Variants in TTN observed in about 807,000 individuals in gnomAD.
The protein encoded by TTN is connectin.
A neutral mutation model predicts 3,223.0 loss-of-function variants in TTN; 1,525 were observed. That is an observed-to-expected ratio of 0.47 (90% CI 0.45 to 0.49). The LOEUF (loss-of-function observed/expected upper bound fraction) is 0.49. Among genes scored for constraint, TTN ranks in the 20% least tolerant of loss-of-function variants. TTN has a pLI of 0.00. For missense variants in TTN, 40,786 were observed against 43,424.0 expected, an observed-to-expected ratio of 0.94 and a Z score of 5.40; for synonymous variants, 14,094 against 15,161.0, an observed-to-expected ratio of 0.93 and a Z score of 5.17.
intron 88 of TTN, among the ~76,000 whole-genome samples, chr2:178,716,458 C>A (rs963945940): frequency 6.6e-6 from 1 of 152,146 alleles, no homozygotes; most frequent in Non-Finnish European, 1.5e-5. Context: ...ACCACCACTA[C>A]AAAAACCCTT....
At chr2:178,627,688 A>G (rs1170299858) in intron 240 of TTN, among the ~76,000 whole-genome samples, 1 of 151,998 alleles carries the variant, frequency 6.6e-6, no homozygotes, top group Non-Finnish European at 1.5e-5. Flanking sequence ...TAAAATGTGA[A>G]TAAGATTTTT....
chr2:178,599,782 T>C lies in TTN; in HGVS notation c.56119A>G (p.Lys18707Glu). The change falls in exon 289 of 363, where the codon AAA (lysine) becomes GAA (glutamate). Residue 18707 changes from lysine (K) to glutamate (E), a missense_variant. Coordinates refer to ENST00000589042, the MANE Select transcript of TTN (RefSeq NM_001267550.2). ...EEGTNVNIVA[K>E]IKGVPFPTLT... ...GTCGGGAATGGCACACCTTTAATTT[T>C]GGCCACAATGTTAACATTGGTTCCT... 6.2e-7 allele frequency: 1 copy of C among 1,611,548 alleles called. No homozygotes were observed. Among genetic ancestry groups the C allele is most frequent in the Non-Finnish European group, 8.5e-7 (1 of 1,178,862 alleles).
intron 117 of TTN, 80 bp from the exon 118 acceptor site, chr2:178,694,088 A>C: frequency 9.2e-7 from 1 of 1,087,090 alleles, no homozygotes; most frequent in Non-Finnish European, 1.3e-6. Flanking sequence ...TTTATACTCA[A>C]GTATTTAGAC....
chr2:178,719,556 G>C lies in TTN; in HGVS notation c.23936C>G (p.Ser7979Cys), dbSNP rs779378260. 1 of 1,601,886 alleles carries C rather than the reference G, an allele frequency of 6.2e-7. No individual in the cohort carries two copies. Among genetic ancestry groups the C allele is most frequent in the South Asian group, 1.1e-5 (1 of 89,576 alleles). ...CATAAAAATCTCATTCTACTCACCA[G>C]AAACATGGACGGATACAGTGCAGTT... Reference protein sequence around the residue: ...KSNCTVSVHVSDRIVPPSFIR... With the variant: ...KSNCTVSVHVCDRIVPPSFIR... Residue 7979 changes from serine (S) to cysteine (C), a missense_variant and splice_region_variant, in exon 82 of 363, where the codon TCT becomes TGT. By Grantham distance (112) the Ser-to-Cys change is moderately radical. Coordinates refer to ENST00000589042, the MANE Select transcript of TTN (RefSeq NM_001267550.2).
Position 178,711,259 on chromosome 2 carries a change from C to T in TTN, c.27977G>A (p.Gly9326Glu). Reference sequence around the variant, plus strand: ...CCAAGACACGGAGATAGGTTCTGATCCACTTATGGCACAATCAAAAACAAC... The same window carrying T: ...CCAAGACACGGAGATAGGTTCTGATTCACTTATGGCACAATCAAAAACAAC... ...LPVVFDCAIS[G>E]SEPISVSWYK... The change falls in exon 97 of 363, where the codon GGA (glycine) becomes GAA (glutamate). Residue 9326 changes from glycine to glutamate, a missense_variant. Coordinates refer to ENST00000589042, the MANE Select transcript of TTN (RefSeq NM_001267550.2). 6.2e-7 allele frequency: 1 copy of T among 1,613,816 alleles called. No individual in the cohort carries two copies. The highest frequency in any genetic ancestry group is 1.1e-5 in the South Asian group (1 of 91,068).
rs766019933 is a variant in TTN, at chr2:178,750,668, G to A, written c.11311+2456C>T. The A allele has an allele frequency of 1.3e-5, 21 of 1,612,624 alleles. No homozygotes were observed. The Admixed American group carries it at 3.3e-4, about 26-fold the overall frequency. ...GAATTCATCAATTCGTGTAGAAGCA[G>A]AGAGTTGTAATTCTCTCAAATCATC... On this transcript the variant is annotated intron_variant, in intron 47 of 362. Coordinates refer to ENST00000589042, the MANE Select transcript of TTN (RefSeq NM_001267550.2).
In TTN at chr2:178,602,440, C is replaced by G; in HGVS notation, c.54962G>C (p.Arg18321Thr). The G allele has an allele frequency of 6.2e-7, 1 of 1,612,560 alleles. No homozygotes were observed. Among genetic ancestry groups the G allele is most frequent in the Non-Finnish European group, 8.5e-7 (1 of 1,179,166 alleles). ...MQEEGTTDWK[R>T]VNEPDKLITT... ...TATAAGTTTGTCTGGTTCATTTACT[C>G]TTTTCCAGTCAGTAGTACCTTCTTC... is the stretch of plus-strand genomic sequence containing the variant. The change falls in exon 283 of 363, where the codon AGA becomes ACA. Residue 18321 changes from arginine to threonine, a missense_variant. Transcript: ENST00000589042.
rs989171608 is a variant in TTN, at chr2:178,551,296, A to G, written c.91271-36T>C. ...ATAAGGAAGGTAAATGCATCATTAC[A>G]TTTGTAACCAGGTCTTAATCATCCA... On this transcript the variant is annotated intron_variant, in intron 335 of 362. Coordinates refer to ENST00000589042, the MANE Select transcript of TTN (RefSeq NM_001267550.2). 2.3e-5 allele frequency: 36 copies of G among 1,560,824 alleles called. No homozygotes were observed. The East Asian group carries it at 8.2e-4, about 35-fold the overall frequency.
Position 178,734,520 on chromosome 2 carries a change from C to T in TTN, c.15304G>A (p.Gly5102Arg). 1 of 1,613,198 alleles carries T rather than the reference C, an allele frequency of 6.2e-7. No homozygotes were observed. Among genetic ancestry groups the T allele is most frequent in the Non-Finnish European group, 8.5e-7 (1 of 1,179,444 alleles). Reference protein sequence around the residue: ...ALLQCEVSGTGPFEISWFKDK... With the variant: ...ALLQCEVSGTRPFEISWFKDK... The stretch of plus-strand genomic sequence containing the variant: ...TTGAACCAGCTAATTTCAAATGGTC[C>T]AGTGCCTGAGACTTCACACTGAAGT... Residue 5102 changes from glycine (G) to arginine (R), a missense_variant, in exon 52 of 363, where the codon GGA becomes AGA. Transcript: ENST00000589042.
intron 337 of TTN, 34 bp from the exon 338 acceptor site, chr2:178,549,903 T>C (rs1698647457): frequency 1.3e-6 from 2 of 1,538,176 alleles, no homozygotes; most frequent in African/African-American, 1.4e-5. Context: ...TAGTTTCTTT[T>C]TCCTTGTCCA....
At position 178,620,214 on chromosome 2, in the gene TTN, T is replaced by C; in HGVS notation, c.46304+3A>G. ...AAATAGAGAATAAAAAGATCTTGCT[T>C]ACTTTTTGCCTTCTTTGATTTCTCT... On this transcript the variant is annotated splice_donor_region_variant and intron_variant, in intron 248 of 362. Coordinates refer to ENST00000589042, the MANE Select transcript of TTN (RefSeq NM_001267550.2). 6.5e-7 allele frequency: 1 copy of C among 1,539,936 alleles called. No individual in the cohort carries two copies. The highest frequency in any genetic ancestry group is 2.3e-5 in the East Asian group (1 of 44,026).
rs1560109426 is a variant in TTN, at chr2:178,652,493, G to A, written c.39092C>T (p.Ala13031Val). The A allele has an allele frequency of 5.6e-6, 9 of 1,613,532 alleles. No homozygotes were observed. The highest frequency in any genetic ancestry group is 2.2e-5 in the East Asian group (1 of 44,870). ...TGTGACTTCAGGCTTTTTAGGAGGAGCCGCTGGCACTTTCTTTTCAGGAAC... is the reference window on the plus strand; with the variant it reads ...TGTGACTTCAGGCTTTTTAGGAGGAACCGCTGGCACTTTCTTTTCAGGAAC... ...EVVPEKKVPA[A>V]PPKKPEVTPV... Residue 13031 changes from alanine to valine, a missense_variant, in exon 202 of 363, where the codon GCT (alanine) becomes GTT (valine). Ala to Val is a moderately conservative substitution (Grantham distance 64, BLOSUM62 0). Transcript: ENST00000589042.
intron 15 of TTN, 117 bp downstream of exon 15, chr2:178,785,503 C>T: frequency 6.9e-7 from 1 of 1,457,872 alleles, no homozygotes; most frequent in Non-Finnish European, 9.4e-7. Context: ...CAAACACACG[C>T]ACACACACAT....
At position 178,530,539 on chromosome 2, in the gene TTN, C is replaced by T; in HGVS notation, c.106076G>A (p.Cys35359Tyr). Residue 35359 changes from cysteine (C) to tyrosine (Y), a missense_variant, in exon 358 of 363, where the codon TGT becomes TAT. Coordinates refer to ENST00000589042, the MANE Select transcript of TTN (RefSeq NM_001267550.2). Reference protein sequence around the residue: ...LTESDQGEYVCEISGEGGTSK... With the variant: ...LTESDQGEYVYEISGEGGTSK... Reference sequence around the variant, plus strand: ...CGTTCCACCTTCACCAGAAATCTCACAAACATATTCTCCTTGATCAGATTC... The same window carrying T: ...CGTTCCACCTTCACCAGAAATCTCATAAACATATTCTCCTTGATCAGATTC... 6.2e-7 allele frequency: 1 copy of T among 1,613,994 alleles called. No individual in the cohort carries two copies. Among genetic ancestry groups the T allele is most frequent in the South Asian group, 1.1e-5 (1 of 91,082 alleles).
chr2:178,735,711 T>C lies in TTN; in HGVS notation c.14735A>G (p.Asp4912Gly), dbSNP rs2081324623. The C allele has an allele frequency of 1.9e-6, 3 of 1,613,814 alleles. No homozygotes were observed. Among genetic ancestry groups the C allele is most frequent in the Non-Finnish European group, 2.5e-6 (3 of 1,179,798 alleles). Residue 4912 changes from aspartate (D) to glycine (G), a missense_variant, in exon 50 of 363, where the codon GAT becomes GGT. By Grantham distance (94) the Asp-to-Gly change is moderately conservative (BLOSUM62 -1). Coordinates refer to ENST00000589042, the MANE Select transcript of TTN (RefSeq NM_001267550.2). ...NKKVHLECQVDEDRKVTVTWS... is the reference protein window; with the variant it reads ...NKKVHLECQVGEDRKVTVTWS... ...CGTAACTGTGACTTTTCTGTCTTCA[T>C]CTACTTGGCACTCAAGGTGGACCTT...
chr2:178,530,781 C>G lies in TTN; in HGVS notation c.105834G>C (p.Gln35278His), dbSNP rs758094020. ...TTGGTGGGGCAGAGACTGGGAGGTGCTGAACTTTCTCTGTTGGTGTTGGTT... is the reference window on the plus strand; with the variant it reads ...TTGGTGGGGCAGAGACTGGGAGGTGGTGAACTTTCTCTGTTGGTGTTGGTT... ...ETKPTPTEKV[Q>H]HLPVSAPPKI... Residue 35278 changes from glutamine to histidine, a missense_variant, in exon 358 of 363, where the codon CAG becomes CAC. Gln to His is a conservative substitution (Grantham distance 24). Coordinates refer to ENST00000589042, the MANE Select transcript of TTN (RefSeq NM_001267550.2). 1.2e-6 allele frequency: 2 copies of G among 1,613,726 alleles called. No homozygotes were observed. The highest frequency in any genetic ancestry group is 1.7e-6 in the Non-Finnish European group (2 of 1,179,872).
rs1478505603 is a variant in TTN, at chr2:178,533,037, C to T, written c.103578G>A (p.Glu34526=). 10 of 1,613,830 alleles carry T rather than the reference C, an allele frequency of 6.2e-6. No individual in the cohort carries two copies. Among genetic ancestry groups the T allele is most frequent in the Non-Finnish European group, 7.6e-6 (9 of 1,179,886 alleles). Residue 34526 remains glutamate (E), a synonymous_variant, in exon 358 of 363, where the codon GAG becomes GAA. Coordinates refer to ENST00000589042, the MANE Select transcript of TTN (RefSeq NM_001267550.2). ...TKTVKGEFRL[E]IEEKKEERKL... is the part of the protein sequence containing the mutation. ...TTCTCTCCTCCTTCTTTTCTTCTAT[C>T]TCAAGTCTGAATTCCCCTTTTACAG...
Position 178,571,935 on chromosome 2 carries a change from G to A in TTN, c.74197C>T (p.Leu24733=), listed in dbSNP as rs751252603. 1.2e-6 allele frequency: 2 copies of A among 1,613,180 alleles called. No homozygotes were observed. Among genetic ancestry groups the A allele is most frequent in the African/African-American group, 1.3e-5 (1 of 75,004 alleles). The change falls in exon 326 of 363, where the codon CTA becomes TTA. Residue 24733 remains leucine, a synonymous_variant. Coordinates refer to ENST00000589042, the MANE Select transcript of TTN (RefSeq NM_001267550.2). ...NTFTVLAGED[L]KVDVPFIGRP... ...CCAATGAATGGAACATCAACTTTTA[G>A]GTCTTCACCTGCCAGTACAGTGAAA...
At chr2:178,790,232 T>C in intron 11 of TTN, 117 bp from the exon 12 acceptor site, 2 of 1,084,660 alleles carry the variant, frequency 1.8e-6, no homozygotes, top group Non-Finnish European at 2.6e-6. Context: ...GAAATTTTAA[T>C]TGCACTAAAA....
Sources: allele counts gnomAD v4.1 joint callset (sites outside exome capture counted in the v4.1 genomes callset), GRCh38; gene constraint gnomAD v4.1.1; transcripts MANE v1.5; gene names NCBI Gene and HGNC (gene_info 2026-07-23, HGNC 2026-07-21).